The following LTV1 variants were observed in gnomAD, a reference collection of about 807,000 sequenced individuals.
LTV1 encodes the protein LTV1 ribosome biogenesis factor.
A neutral mutation model predicts 59.9 loss-of-function variants in LTV1; 39 were observed. The ratio of observed to expected loss-of-function variants is 0.65; its 90% CI spans 0.50 to 0.85. LTV1 has a LOEUF of 0.85. LTV1 is among the 40% of genes least tolerant of loss of function. LTV1 has a pLI of 0.00. For synonymous variants in LTV1, 171 were observed against 189.5 expected, an observed-to-expected ratio of 0.90 and a Z score of 0.80; for missense variants, 493 against 549.1, an observed-to-expected ratio of 0.90 and a Z score of 1.02.
chr6:143,846,003 T>C, intron 2 of LTV1, 48 bp from the exon 3 acceptor site: 1 of 1,575,706 alleles, frequency 6.3e-7, no homozygotes, highest in South Asian at 1.1e-5. Flanking sequence ...ACTGATTCCA[T>C]TTTGTTTATA....
At chr6:143,843,623 A>G in intron 1 of LTV1, 143 bp downstream of exon 1, 3 of 1,030,000 alleles carry the variant, frequency 2.9e-6, no homozygotes, top group South Asian at 1.5e-5. Context: ...AAATGGGCCA[A>G]CGTCACCACC....
In LTV1 at chr6:143,857,588, G is replaced by A; in HGVS notation, c.539+144G>A. The stretch of plus-strand genomic sequence containing the variant: ...CTGTATTTTAGAGCAGAAAATGTGA[G>A]ATTCATTGCTTTTCCTACCAAACCA... On this transcript the variant is annotated intron_variant, in intron 5 of 10. Coordinates refer to ENST00000367576, the MANE Select transcript of LTV1 (RefSeq NM_032860.5). This position sits in a 1 kb window ranked among gnomAD's most constrained non-coding sequence, Gnocchi z 5.2. 1 of 1,094,254 alleles carries A rather than the reference G, an allele frequency of 9.1e-7. No homozygotes were observed. The highest frequency in any genetic ancestry group is 2.2e-5 in the Admixed American group (1 of 46,376). The allele number at this position is 1,094,254 out of a possible 1,614,324, so 67.8% of individuals were successfully genotyped here. A position where few individuals can be genotyped will look rare whatever the true frequency, so the allele number is the denominator to read the frequency against.
At chr6:143,847,513 C>T (rs537630605) in intron 3 of LTV1, among the ~76,000 whole-genome samples, 3 of 152,308 alleles carry the variant, frequency 2.0e-5, no homozygotes, top group Admixed American at 2.0e-4. Context: ...AGGCATGTGG[C>T]ACTGTGCCCG....
At chr6:143,848,613 C>G (rs568143754) in intron 3 of LTV1, among the ~76,000 whole-genome samples, 6 of 152,290 alleles carry the variant, frequency 3.9e-5, no homozygotes, top group African/African-American at 1.2e-4. Flanking sequence ...ATAAATAACA[C>G]ATGGCGGTTG....
chr6:143,858,204 C>T (rs1777111039), intron 6 of LTV1, 197 bp downstream of exon 6: 2 of 613,322 alleles, frequency 3.3e-6, no homozygotes, highest in African/African-American at 1.8e-5. Context: ...AGCACAAAGA[C>T]TGCAAAGGGA....
rs1302659102 is a variant in LTV1 at position 143,857,403 on chromosome 6, G to A, written c.498G>A (p.Gln166=). 11 of 1,613,918 alleles carry A rather than the reference G, an allele frequency of 6.8e-6. No homozygotes were observed. The highest frequency in any genetic ancestry group is 8.5e-6 in the Non-Finnish European group (10 of 1,179,986). ...DNLLEDDFIL[Q]ANKATGEEEG... ...TGCTTGAGGATGACTTTATTCTTCA[G>A]GCCAATAAGGCAACAGGAGAGGAAG... Residue 166 remains glutamine, a synonymous_variant, in exon 5 of 11, where the codon CAG becomes CAA. Coordinates refer to ENST00000367576, the MANE Select transcript of LTV1 (RefSeq NM_032860.5). The surrounding 1 kb of genome is among the most constrained non-coding windows in gnomAD (Gnocchi z 5.2).
At chr6:143,844,179 A>G (rs936112421) in intron 1 of LTV1, among the ~76,000 whole-genome samples, 3 of 152,188 alleles carry the variant, frequency 2.0e-5, no homozygotes, top group Admixed American at 6.5e-5. Context: ...TCACTGTCTT[A>G]TATTTTCTTC....
At chr6:143,845,962 A>C in intron 2 of LTV1, 89 bp from the exon 3 acceptor site, 1 of 1,270,162 alleles carries the variant, frequency 7.9e-7, no homozygotes, top group Admixed American at 2.1e-5. Context: ...TACTCATTGT[A>C]ATATTCCCAT....
At chr6:143,852,644 A>T (rs888410696) in intron 4 of LTV1, among the ~76,000 whole-genome samples, 1 of 152,218 alleles carries the variant, frequency 6.6e-6, no homozygotes, top group East Asian at 1.9e-4. Flanking sequence ...GTCTTTGCCC[A>T]TGCCTATATC....
At chr6:143,854,812 T>G (rs1777045617) in intron 4 of LTV1, among the ~76,000 whole-genome samples, 1 of 152,174 alleles carries the variant, frequency 6.6e-6, no homozygotes, top group South Asian at 2.1e-4. Flanking sequence ...TCTGAGAGAC[T>G]GTTTGTTATG....
chr6:143,857,249 G>C lies in LTV1; in HGVS notation c.398-54G>C. On this transcript the variant is annotated intron_variant, in intron 4 of 10. Transcript: ENST00000367576. This position sits in a 1 kb window ranked among gnomAD's most constrained non-coding sequence, Gnocchi z 5.2. The stretch of plus-strand genomic sequence containing the variant: ...TAGGTCCTTATATTGTGAGTTAAGT[G>C]AATGAATTGTTGCTATCTTGGGAAT... 6.2e-7 allele frequency: 1 copy of C among 1,602,324 alleles called. No homozygotes were observed. Among genetic ancestry groups the C allele is most frequent in the South Asian group, 1.1e-5 (1 of 89,616 alleles).
intron 1 of LTV1, among the ~76,000 whole-genome samples, chr6:143,844,022 G>T (rs1405579186): frequency 2.6e-5 from 4 of 152,194 alleles, no homozygotes; most frequent in African/African-American, 9.6e-5. Flanking sequence ...TGTTTGTGTC[G>T]TGATTTTATT....
chr6:143,850,166 T>C lies in LTV1; in HGVS notation c.345T>C (p.Ala115=), dbSNP rs1254218567. The C allele has an allele frequency of 6.2e-7, 1 of 1,613,980 alleles. No individual in the cohort carries two copies. The highest frequency in any genetic ancestry group is 1.1e-5 in the South Asian group (1 of 91,054). ...TGIKLPSSVF[A]SEFEEDVGLL... ...TTAAGTTGCCTTCATCAGTGTTTGC[T>C]TCAGAGTTTGAGGAAGATGTTGGAT... Residue 115 remains alanine, a synonymous_variant, in exon 4 of 11, where the codon GCT becomes GCC. Coordinates refer to ENST00000367576, the MANE Select transcript of LTV1 (RefSeq NM_032860.5).
chr6:143,852,998 A>G (rs892598162), intron 4 of LTV1, among the ~76,000 whole-genome samples: 14 of 152,164 alleles, frequency 9.2e-5, no homozygotes, highest in African/African-American at 3.1e-4. Flanking sequence ...GAAGTCAGGT[A>G]GTGTGATGCC....
intron 4 of LTV1, among the ~76,000 whole-genome samples, chr6:143,856,346 C>G (rs937368689): frequency 1.3e-5 from 2 of 152,006 alleles, no homozygotes; most frequent in Non-Finnish European, 2.9e-5. Flanking sequence ...AACCTTTTTT[C>G]AAGGTTTTTA....
chr6:143,843,578 G>A, intron 1 of LTV1, 98 bp downstream of exon 1: 1 of 1,502,190 alleles, frequency 6.7e-7, no homozygotes, highest in Non-Finnish European at 9.2e-7. Context: ...CCGGGTCTGG[G>A]TCATGCCAGA....
At chr6:143,854,437 GTC>G (rs953596750) in intron 4 of LTV1, among the ~76,000 whole-genome samples, 66 of 152,140 alleles carry the variant, frequency 4.3e-4, no homozygotes, top group Middle Eastern at 3.4e-3. Context: ...GGGTTTTCGT[GTC>G]TCTATCTCCT....
At chr6:143,854,127 ACATGT>A (rs1401268251) in intron 4 of LTV1, among the ~76,000 whole-genome samples, 2 of 152,080 alleles carry the variant, frequency 1.3e-5, no homozygotes, top group Non-Finnish European at 2.9e-5. Flanking sequence ...CTATTTCAGA[ACATGT>A]TATTGGTCTA....
intron 6 of LTV1, 32 bp downstream of exon 6, chr6:143,858,039 C>T (rs370595455): frequency 6.5e-5 from 104 of 1,602,472 alleles, no homozygotes; most frequent in Middle Eastern, 1.7e-4. Context: ...TGCTTTAGTA[C>T]TATCTTATGT....
Sources: allele counts gnomAD v4.1 joint callset (sites outside exome capture counted in the v4.1 genomes callset), GRCh38; gene constraint gnomAD v4.1.1; non-coding constraint Gnocchi (gnomAD v3.1); transcripts MANE v1.5; gene names NCBI Gene and HGNC (gene_info 2026-07-23, HGNC 2026-07-21).